RPS6KA3: variants seen among roughly 807,000 people sequenced by gnomAD.
RPS6KA3 encodes the protein ribosomal protein S6 kinase alpha-3.
A neutral mutation model predicts 67.2 loss-of-function variants in RPS6KA3; 4 were observed. The ratio of observed to expected loss-of-function variants is 0.06; its 90% confidence interval spans 0.03 to 0.14. The LOEUF (loss-of-function observed/expected upper bound fraction) is 0.14. RPS6KA3 is among the 10% of genes least tolerant of loss of function. The pLI, the probability that RPS6KA3 is intolerant of heterozygous loss-of-function variation, is 1.00. For missense variants in RPS6KA3, 204 were observed against 559.0 expected, an observed-to-expected ratio of 0.36 and a Z score of 6.40; for synonymous variants, 182 against 183.7, an observed-to-expected ratio of 0.99 and a Z score of 0.07.
At chrX:20,200,140 A>C (rs1437604225) in intron 4 of RPS6KA3, among the ~76,000 whole-genome samples, 1 of 112,480 alleles carries the variant, frequency 8.9e-6, no homozygotes, top group African/African-American at 3.2e-5. Context: ...TATTTCGTTC[A>C]GCTAGGAACA....
intron 2 of RPS6KA3, among the ~76,000 whole-genome samples, chrX:20,215,855 G>A (rs1010782049): frequency 1.8e-5 from 2 of 112,303 alleles, no homozygotes; most frequent in Non-Finnish European, 3.8e-5. Context: ...CATATCTTAT[G>A]TCACTAAATC....
At chrX:20,178,636 C>CTTTTTTT (rs757383642) in intron 10 of RPS6KA3, among the ~76,000 whole-genome samples, 12 of 39,444 alleles carry the variant, frequency 3.0e-4, no homozygotes, top group Non-Finnish European at 3.8e-4. Flanking sequence ...CCACACCTGG[C>CTTTTTTT]TTTTTTTTTT....
rs1382394923 is a variant in RPS6KA3, at chrX:20,176,323, T to C, written c.1029A>G (p.Pro343=). The change falls in exon 13 of 22, where the codon CCA becomes CCG. Residue 343 remains proline (P), a synonymous_variant. Coordinates refer to ENST00000379565, the MANE Select transcript of RPS6KA3 (RefSeq NM_004586.3). ...CAGGCCTGCCCGTTGCAGGTTTAAA[T>C]GGCGGATGAATTTCTCTTCTATACA... ...NKLYRREIHP[P]FKPATGRPED... is the part of the protein sequence containing the mutation. 1.7e-6 allele frequency: 2 copies of C among 1,195,587 alleles called. No homozygotes were observed. Among genetic ancestry groups the C allele is most frequent in the Admixed American group, 2.2e-5 (1 of 45,451 alleles).
intron 2 of RPS6KA3, among the ~76,000 whole-genome samples, chrX:20,216,988 A>T (rs185720175): frequency 1.8e-5 from 2 of 112,259 alleles, no homozygotes; most frequent in African/African-American, 6.5e-5. Context: ...CTGGATCTCA[A>T]AGATTTATTA....
In RPS6KA3 at chrX:20,161,755, A is replaced by C. The variant is rs781570258; in HGVS notation, c.1848T>G (p.Thr616=). 7.5e-6 allele frequency: 7 copies of C among 937,294 alleles called. No homozygotes were observed. The Admixed American group carries it at 1.9e-4, about 25-fold the overall frequency. 77.2% of individuals were successfully genotyped at this position (937,294 alleles called of 1,213,427 possible). The change falls in exon 20 of 22, where the codon ACT becomes ACG. Residue 616 remains threonine, a synonymous_variant. Coordinates refer to ENST00000379565, the MANE Select transcript of RPS6KA3 (RefSeq NM_004586.3). The stretch of plus-strand genomic sequence containing the variant: ...TATCATCAGGACCATTTGCAAATGG[A>C]GTGTAACTAATTTATAATAAAATTA... The part of the protein sequence containing the change: ...VLLYTMLTGY[T]PFANGPDDTP...
At chrX:20,227,288 C>T (rs939217870) in intron 2 of RPS6KA3, among the ~76,000 whole-genome samples, 2 of 111,629 alleles carry the variant, frequency 1.8e-5, no homozygotes, top group Non-Finnish European at 1.9e-5. Context: ...TTTCATCATG[C>T]TTGTAGTACT....
chrX:20,209,493 T>C lies in RPS6KA3; in HGVS notation c.127-89A>G, dbSNP rs753469560. ...TCAAACAATATTAATTTAATCTTAC[T>C]AGAAATTAATTAGAAATCAATCTAA... On this transcript the variant is annotated intron_variant, in intron 2 of 21. Coordinates refer to ENST00000379565, the MANE Select transcript of RPS6KA3 (RefSeq NM_004586.3). The C allele has an allele frequency of 9.6e-6, 5 of 521,489 alleles. No individual in the cohort carries two copies. In the South Asian group the frequency reaches 1.3e-4, roughly 14 times the overall value. 43.0% of individuals were successfully genotyped at this position (521,489 alleles called of 1,213,427 possible). A position where few individuals can be genotyped will look rare whatever the true frequency, so the allele number is the denominator to read the frequency against.
At chrX:20,161,583 T>G (rs2067304948) in intron 20 of RPS6KA3, 61 bp downstream of exon 20, 1 of 527,372 alleles carries the variant, frequency 1.9e-6, no homozygotes, top group Non-Finnish European at 3.1e-6. Flanking sequence ...TAGTATTTCT[T>G]CTCACTATGG....
At chrX:20,178,467 G>A (rs1373136257) in intron 10 of RPS6KA3, among the ~76,000 whole-genome samples, 1 of 100,630 alleles carries the variant, frequency 9.9e-6, no homozygotes, top group Non-Finnish European at 2.0e-5. Flanking sequence ...GAGAAATCTA[G>A]AGCAAACAAA....
At chrX:20,205,275 C>A (rs1010271922) in intron 3 of RPS6KA3, among the ~76,000 whole-genome samples, 10 of 112,669 alleles carry the variant, frequency 8.9e-5, no homozygotes, top group African/African-American at 2.9e-4. Context: ...TTCAACTCCT[C>A]TTCCCTATCC....
At chrX:20,231,305 A>C in intron 2 of RPS6KA3, among the ~76,000 whole-genome samples, 1 of 112,148 alleles carries the variant, frequency 8.9e-6, no homozygotes, top group Non-Finnish European at 1.9e-5. Flanking sequence ...AATCAGAAAG[A>C]ATGAATGTTC....
chrX:20,263,000 T>C (rs925080360), intron 1 of RPS6KA3, among the ~76,000 whole-genome samples: 2 of 111,522 alleles, frequency 1.8e-5, no homozygotes, highest in African/African-American at 6.5e-5. Flanking sequence ...ACTTATATAG[T>C]TGATTTTTTA....
intron 4 of RPS6KA3, among the ~76,000 whole-genome samples, chrX:20,202,161 T>C (rs1213791584): frequency 9.2e-6 from 1 of 108,806 alleles, no homozygotes; most frequent in African/African-American, 3.4e-5. Context: ...TTTTGTATTT[T>C]TAGTAGAGAC....
intron 7 of RPS6KA3, among the ~76,000 whole-genome samples, chrX:20,190,869 CTT>C (rs1209937034): frequency 9.7e-6 from 1 of 102,893 alleles, no homozygotes; most frequent in Admixed American, 1.1e-4. Flanking sequence ...TTTGTACTAA[CTT>C]TTTTTTTTTT....
chrX:20,156,410 C>T (rs1275537935), intron 20 of RPS6KA3, among the ~76,000 whole-genome samples, 161 bp from the exon 21 acceptor site: 1 of 111,568 alleles, frequency 9.0e-6, no homozygotes, highest in African/African-American at 3.3e-5. Flanking sequence ...AAATCAGTCT[C>T]CGCTTTTTCC....
chrX:20,242,753 T>C (rs2069583629), intron 1 of RPS6KA3, among the ~76,000 whole-genome samples: 2 of 111,957 alleles, frequency 1.8e-5, no homozygotes, highest in South Asian at 3.7e-4. Context: ...TGAGTGATGA[T>C]AGTAAGGTCC....
intron 2 of RPS6KA3, among the ~76,000 whole-genome samples, chrX:20,214,674 T>C (rs2068800549): frequency 9.0e-6 from 1 of 111,432 alleles, no homozygotes; most frequent in Non-Finnish European, 1.9e-5. Flanking sequence ...CTGAATTCTT[T>C]AACTTTGTGG....
chrX:20,205,839 G>C (rs1344687432), intron 3 of RPS6KA3, among the ~76,000 whole-genome samples: 1 of 112,491 alleles, frequency 8.9e-6, no homozygotes, highest in Non-Finnish European at 1.9e-5. Flanking sequence ...ACTTTCAACT[G>C]TTCTTTGAAT....
In RPS6KA3 at chrX:20,170,316, C is replaced by T. The variant is rs1569199283; in HGVS notation, c.1354-825G>A. On this transcript the variant is annotated intron_variant, in intron 15 of 21. Transcript: ENST00000379565. ...AAACAGCTTAGTAATTAAGTATGCACTAAATACCCAGACACTCCAGCAACC... is the reference window on the plus strand; with the variant it reads ...AAACAGCTTAGTAATTAAGTATGCATTAAATACCCAGACACTCCAGCAACC... Among the ~76,000 whole-genome samples the T allele has an allele frequency of 2.7e-5, 3 of 111,696 alleles. No homozygotes were observed. In the South Asian group the frequency reaches 1.1e-3, roughly 42 times the overall value.
Sources: allele counts gnomAD v4.1 joint callset (sites outside exome capture counted in the v4.1 genomes callset), GRCh38; gene constraint gnomAD v4.1.1; transcripts MANE v1.5; gene names NCBI Gene and HGNC (gene_info 2026-07-23, HGNC 2026-07-21).